The following PTPRD variants were observed in gnomAD, a reference collection of about 807,000 sequenced individuals.
PTPRD encodes the protein protein tyrosine phosphatase receptor type D.
PTPRD carries 34 observed loss-of-function variants against 214.5 expected under a neutral mutation model. The observed-to-expected ratio is 0.16, with a 90% confidence interval of 0.12 to 0.21. The LOEUF is 0.21. Ranked by LOEUF, PTPRD falls within the 10% of genes least tolerant of loss-of-function variation. The pLI is 1.00. For missense variants in PTPRD, 2,545 were observed against 2,398.7 expected (o/e 1.06, Z -1.27); for synonymous variants, 1,128 against 845.7 (o/e 1.33, Z -5.79).
Position 10,172,342 on chromosome 9 carries a change from T to C in PTPRD, c.-544-138552A>G, listed in dbSNP as rs187896233. ...ATCACCACCCCATATGCAGAGATCC[T>C]GTAAGAATAATATTGTATTTTGATC... is the stretch of plus-strand genomic sequence containing the variant. On this transcript the variant is annotated intron_variant, in intron 3 of 45. Transcript: ENST00000381196. 1.1e-4 allele frequency among the ~76,000 whole-genome samples: 17 copies of C among 152,320 alleles called. No individual in the cohort carries two copies. In the East Asian group the frequency reaches 3.1e-3, roughly 28 times the overall value.
intron 2 of PTPRD, among the ~76,000 whole-genome samples, chr9:10,372,071 G>A (rs1271830018): frequency 6.6e-6 from 1 of 152,028 alleles, no homozygotes; most frequent in Non-Finnish European, 1.5e-5. Flanking sequence ...AGGAGAAAAT[G>A]GGGCCAACAC....
intron 3 of PTPRD, among the ~76,000 whole-genome samples, chr9:10,289,487 C>T (rs1172653601): frequency 6.6e-6 from 1 of 152,112 alleles, no homozygotes; most frequent in African/African-American, 2.4e-5. Context: ...CAAACACCTA[C>T]AATCACTATG....
intron 2 of PTPRD, among the ~76,000 whole-genome samples, chr9:10,565,159 T>G (rs911338935): frequency 2.0e-5 from 3 of 152,138 alleles, no homozygotes; most frequent in African/African-American, 7.2e-5. Context: ...AATATATATA[T>G]ATAAATGTAG....
chr9:10,394,178 CTATA>C (rs200917904), intron 2 of PTPRD, among the ~76,000 whole-genome samples: 6 of 136,826 alleles, frequency 4.4e-5, no homozygotes, highest in Non-Finnish European at 7.7e-5. Context: ...ACATATATAT[CTATA>C]TATAAAGATA....
chr9:9,302,685 G>C (rs935705739), intron 9 of PTPRD, among the ~76,000 whole-genome samples: 2 of 132,886 alleles, frequency 1.5e-5, no homozygotes, highest in Admixed American at 8.1e-5. Context: ...TTTTTAATTG[G>C]TTAACTCGTA....
intron 2 of PTPRD, among the ~76,000 whole-genome samples, chr9:10,480,523 A>C (rs1211337944): frequency 6.6e-6 from 1 of 152,194 alleles, no homozygotes; most frequent in Non-Finnish European, 1.5e-5. Context: ...AAAAAGCAAG[A>C]CATTTTTTAT....
chr9:9,853,953 G>T (rs2061042589), intron 5 of PTPRD, among the ~76,000 whole-genome samples: 1 of 152,082 alleles, frequency 6.6e-6, no homozygotes, highest in Non-Finnish European at 1.5e-5. Context: ...ATCAAATCAA[G>T]GTATTTAGCA....
At position 8,437,849 on chromosome 9, in the gene PTPRD, T is replaced by C. The variant is rs1022890229; in HGVS notation, c.3989-1160A>G. Among the ~76,000 whole-genome samples the C allele has an allele frequency of 4.8e-4, 73 of 152,204 alleles. 1 individual carries two copies. The highest frequency in any genetic ancestry group is 1.2e-4 in the Non-Finnish European group (8 of 68,034). On this transcript the variant is annotated intron_variant, in intron 34 of 45. Coordinates refer to ENST00000381196, the MANE Select transcript of PTPRD (RefSeq NM_002839.4). The stretch of plus-strand genomic sequence containing the variant: ...GTAATTTCATAGATTCCATGAAAAA[T>C]AATCCACTATTAATTTTGGTGACTC...
chr9:8,676,389 T>A (rs1378265683), intron 12 of PTPRD, among the ~76,000 whole-genome samples: 2 of 150,600 alleles, frequency 1.3e-5, no homozygotes, highest in African/African-American at 4.9e-5. Flanking sequence ...TTTTTTTTTT[T>A]TTTTTTTTTT....
chr9:9,275,163 AAC>A (rs1944908591), intron 9 of PTPRD, among the ~76,000 whole-genome samples: 4 of 50,280 alleles, frequency 8.0e-5, no homozygotes, highest in South Asian at 4.8e-4. Context: ...TTATATATAT[AAC>A]ATATATATAA....
chr9:10,259,558 C>A lies in PTPRD; in HGVS notation c.-545+81405G>T, dbSNP rs549616236. On this transcript the variant is annotated intron_variant, in intron 3 of 45. Transcript: ENST00000381196. ...GATCAGCCCAAGACAGTTCCTGACG[C>A]AATATGAACCAAGTGGAAAAAGTGT... Among the ~76,000 whole-genome samples, 4 of 152,150 alleles carry A rather than the reference C, an allele frequency of 2.6e-5. No individual in the cohort carries two copies. In the South Asian group the frequency reaches 8.3e-4, roughly 32 times the overall value.
intron 10 of PTPRD, among the ~76,000 whole-genome samples, chr9:9,161,561 C>A (rs1394888392): frequency 6.6e-6 from 1 of 151,936 alleles, no homozygotes; most frequent in Non-Finnish European, 1.5e-5. Context: ...AGAGATGTAA[C>A]AAAATTCAAG....
intron 9 of PTPRD, among the ~76,000 whole-genome samples, chr9:9,233,147 G>C (rs1053858398): frequency 2.0e-5 from 3 of 152,094 alleles, no homozygotes; most frequent in Admixed American, 1.3e-4. Context: ...AAAGAAAAGA[G>C]GTTTAATTGA....
At chr9:8,438,040 T>C (rs909132302) in intron 34 of PTPRD, among the ~76,000 whole-genome samples, 1 of 152,174 alleles carries the variant, frequency 6.6e-6, no homozygotes, top group African/African-American at 2.4e-5. Context: ...GGGAAGCCAC[T>C]GAAGCAGGAA....
At chr9:8,754,168 C>T (rs1185875189) in intron 11 of PTPRD, among the ~76,000 whole-genome samples, 8 of 152,044 alleles carry the variant, frequency 5.3e-5, no homozygotes, top group Admixed American at 2.6e-4. Flanking sequence ...ATTCTTATAA[C>T]GATGTCAATC....
chr9:9,553,053 A>G (rs570357423), intron 8 of PTPRD, among the ~76,000 whole-genome samples: 50 of 152,112 alleles, frequency 3.3e-4, no homozygotes, highest in African/African-American at 1.2e-3. Context: ...AATTTATTCA[A>G]TTTCTTTTTT....
intron 3 of PTPRD, among the ~76,000 whole-genome samples, chr9:10,208,724 G>C (rs1404661299): frequency 6.6e-6 from 1 of 152,120 alleles, no homozygotes; most frequent in Non-Finnish European, 1.5e-5. Flanking sequence ...ATAGAAAAGA[G>C]AAAATATCCA....
intron 10 of PTPRD, among the ~76,000 whole-genome samples, chr9:9,025,944 G>C (rs573660234): frequency 1.3e-5 from 2 of 151,926 alleles, no homozygotes; most frequent in Non-Finnish European, 2.9e-5. Context: ...ATTATAGTCC[G>C]CTCAGATAAA....
intron 11 of PTPRD, among the ~76,000 whole-genome samples, chr9:8,833,336 T>C (rs1601324950): frequency 6.6e-6 from 1 of 152,108 alleles, no homozygotes; most frequent in African/African-American, 2.4e-5. Context: ...CTACTTTTGA[T>C]AAGCCTGATA....
Sources: allele counts gnomAD v4.1 joint callset (sites outside exome capture counted in the v4.1 genomes callset), GRCh38; gene constraint gnomAD v4.1.1; transcripts MANE v1.5; gene names NCBI Gene and HGNC (gene_info 2026-07-23, HGNC 2026-07-21).